The following MROH2B variants were observed in gnomAD, a reference collection of about 807,000 sequenced individuals.
MROH2B encodes maestro heat like repeat family member 2B, also known as maestro heat-like repeat-containing protein family member 2B.
MROH2B carries 177 observed loss-of-function variants against 208.6 expected under a neutral mutation model. The ratio of observed to expected loss-of-function variants is 0.85; its 90% CI spans 0.75 to 0.96. The LOEUF (loss-of-function observed/expected upper bound fraction) is 0.96. Ranked by LOEUF, MROH2B falls within the 40% of genes least tolerant of loss-of-function variation. The pLI is 0.00. For missense variants in MROH2B, 2,002 were observed against 1,878.7 expected (o/e 1.07, Z -1.21); for synonymous variants, 728 against 659.0 (o/e 1.10, Z -1.60).
Position 41,034,319 on chromosome 5 carries a change from T to C in MROH2B, c.2215-455A>G, listed in dbSNP as rs113484374. ...AAAATGCAGATTTGTTCCAATGAGA[T>C]TGACATGCTGTATCAGAGAATACTT... On this transcript the variant is annotated intron_variant, in intron 21 of 41. Transcript: ENST00000399564. Among the ~76,000 whole-genome samples, 9 of 152,222 alleles carry C rather than the reference T, an allele frequency of 5.9e-5. 1 individual carries two copies. Among genetic ancestry groups the C allele is most frequent in the African/African-American group, 2.2e-4 (9 of 41,532 alleles).
At chr5:41,059,425 T>A (rs950074975) in intron 6 of MROH2B, among the ~76,000 whole-genome samples, 5 of 152,216 alleles carry the variant, frequency 3.3e-5, no homozygotes, top group African/African-American at 1.2e-4. Flanking sequence ...AATTTTAATT[T>A]CTTAAAAATT....
chr5:41,005,484 C>T, intron 35 of MROH2B, 47 bp downstream of exon 35: 1 of 1,179,450 alleles, frequency 8.5e-7, no homozygotes, highest in African/African-American at 1.7e-5. Context: ...AAGAGAAATA[C>T]CCTATGGGGA....
Position 41,048,449 on chromosome 5 carries a change from G to T in MROH2B, c.1559C>A (p.Ala520Asp), listed in dbSNP as rs959442554. The change falls in exon 16 of 42, where the codon GCC (alanine) becomes GAC (aspartate). Residue 520 changes from alanine (A) to aspartate (D), a missense_variant. Physicochemically the swap from Ala to Asp is moderately radical, Grantham distance 126. Transcript: ENST00000399564. ...AGCCCCACGTAACTCCCCTAAACTG[G>T]CAGGCATAGATATTACCTGAAGGAT... is the stretch of plus-strand genomic sequence containing the variant. ...LARLLVISMP[A>D]SLGELRGAGA... 1.9e-6 allele frequency: 3 copies of T among 1,612,406 alleles called. No individual in the cohort carries two copies. The highest frequency in any genetic ancestry group is 3.4e-5 in the Admixed American group (2 of 59,654).
chr5:41,045,694 C>T, intron 18 of MROH2B, 52 bp downstream of exon 18: 1 of 1,352,918 alleles, frequency 7.4e-7, no homozygotes, highest in African/African-American at 1.4e-5. Context: ...CTAGAGCAGC[C>T]ATTTTGGATC....
chr5:41,044,891 T>C (rs1156388995), intron 18 of MROH2B, among the ~76,000 whole-genome samples: 2 of 152,214 alleles, frequency 1.3e-5, no homozygotes, highest in East Asian at 1.9e-4. Flanking sequence ...GCACATGCCC[T>C]ATGTCAAGCA....
intron 24 of MROH2B, among the ~76,000 whole-genome samples, chr5:41,025,026 A>C (rs1343467140): frequency 6.6e-6 from 1 of 152,214 alleles, no homozygotes. Context: ...TCTGGGACAC[A>C]TTTAAAGCAA....
In MROH2B at chr5:41,002,198, G is replaced by A. The variant is rs972986022; in HGVS notation, c.4195-1365C>T. On this transcript the variant is annotated intron_variant, in intron 37 of 41. Transcript: ENST00000399564. ...AGCTTGAATTTTGCAAAATCAATGA[G>A]CTAATGATAGGTCCAGGAACAATCA... Among the ~76,000 whole-genome samples the A allele has an allele frequency of 8.5e-5, 13 of 152,312 alleles. No individual in the cohort carries two copies. In the South Asian group the frequency reaches 2.5e-3, roughly 29 times the overall value.
At chr5:41,065,851 C>T (rs1743796553) in intron 3 of MROH2B, among the ~76,000 whole-genome samples, 1 of 152,296 alleles carries the variant, frequency 6.6e-6, no homozygotes, top group East Asian at 1.9e-4. Context: ...TTCTAGCAGC[C>T]TGTTCTCTAC....
chr5:41,065,356 G>C lies in MROH2B; in HGVS notation c.336C>G (p.Ala112=). 6.2e-7 allele frequency: 1 copy of C among 1,612,744 alleles called. No homozygotes were observed. The highest frequency in any genetic ancestry group is 8.5e-7 in the Non-Finnish European group (1 of 1,179,368). The stretch of plus-strand genomic sequence containing the variant: ...CATAGCTGGTTGCCAATTCAGCCAG[G>C]GCAAGCACAACGAATTCATCTGGTA... ...LELPDEFVVL[A]LAELATSYVS... is the part of the protein sequence containing the mutation. Residue 112 remains alanine (A), a synonymous_variant, in exon 4 of 42, where the codon GCC becomes GCG. Coordinates refer to ENST00000399564, the MANE Select transcript of MROH2B (RefSeq NM_173489.5).
Position 41,038,851 on chromosome 5 carries a change from T to A in MROH2B, c.2099A>T (p.Asp700Val). ...FSGKKSLTKT[D>V]VMVIYGAVAL... ...CACTGCTCCATAGATGACCATGACA[T>A]CTGTCTTGGTCAGGCTCTTTTTCCC... is the stretch of plus-strand genomic sequence containing the variant. Residue 700 changes from aspartate to valine, a missense_variant, in exon 21 of 42, where the codon GAT (aspartate) becomes GTT (valine). Coordinates refer to ENST00000399564, the MANE Select transcript of MROH2B (RefSeq NM_173489.5). 6.2e-7 allele frequency: 1 copy of A among 1,612,434 alleles called. No individual in the cohort carries two copies. Among genetic ancestry groups the A allele is most frequent in the Non-Finnish European group, 8.5e-7 (1 of 1,179,286 alleles).
At chr5:41,019,341 T>TTTGA (rs1554047869) in intron 24 of MROH2B, among the ~76,000 whole-genome samples, 1 of 44,482 alleles carries the variant, frequency 2.2e-5, no homozygotes, top group African/African-American at 1.1e-4. Context: ...TGTGTGTGTG[T>TTTGA]GTGAGAGAGA....
chr5:40,999,981 G>C, intron 39 of MROH2B: 1 of 683,804 alleles, frequency 1.5e-6, no homozygotes. Context: ...TTAATCAACA[G>C]ATATGAATTT....
rs771356247 is a variant in MROH2B, at chr5:41,033,816, TC to T, written c.2241+21del. On this transcript the variant is annotated intron_variant, in intron 22 of 41. Coordinates refer to ENST00000399564, the MANE Select transcript of MROH2B (RefSeq NM_173489.5). Reference sequence around the variant, plus strand: ...ATCTATCTATCTATCTATCTATCTATCTATCTATCTATCTCTCCTACCTTGT... The same window carrying T: ...ATCTATCTATCTATCTATCTATCTATTATCTATCTATCTCTCCTACCTTGT... 78 of 1,040,376 alleles carry T rather than the reference TC, an allele frequency of 7.5e-5. 1 individual carries two copies. The highest frequency in any genetic ancestry group is 1.7e-4 in the South Asian group (10 of 57,224). 64.4% of individuals were successfully genotyped at this position (1,040,376 alleles called of 1,614,324 possible).
At chr5:41,008,836 T>C (rs758385291) in intron 32 of MROH2B, 43 bp from the exon 33 acceptor site, 4 of 1,556,430 alleles carry the variant, frequency 2.6e-6, no homozygotes, top group Non-Finnish European at 3.5e-6. Flanking sequence ...TCTCATTTTC[T>C]CCAAGGCCAT....
At chr5:41,032,886 C>A in intron 23 of MROH2B, 65 bp from the exon 24 acceptor site, 1 of 1,561,452 alleles carries the variant, frequency 6.4e-7, no homozygotes. Flanking sequence ...GATGCAGCTG[C>A]AACCTCATCA....
chr5:41,008,455 C>T (rs79160688), intron 33 of MROH2B, 151 bp downstream of exon 33: 13,395 of 774,480 alleles, frequency 0.017, 315 homozygotes, highest in East Asian at 0.091. Context: ...TATGGTGTCA[C>T]GGCTTAGGGA....
At chr5:40,999,918 C>G (rs1019642732) in intron 39 of MROH2B, 139 bp from the exon 40 acceptor site, 2 of 754,950 alleles carry the variant, frequency 2.6e-6, no homozygotes, top group Non-Finnish European at 4.3e-6. Context: ...TGAAAATTGT[C>G]TTATGGGTAT....
rs767027464 is a variant in MROH2B, at chr5:41,008,653, C to A, written c.3561G>T (p.Arg1187=). 1.2e-6 allele frequency: 2 copies of A among 1,613,906 alleles called. No homozygotes were observed. Among genetic ancestry groups the A allele is most frequent in the South Asian group, 1.1e-5 (1 of 91,084 alleles). ...GCTGTTCTCCCTGCTGCATCACATG[C>A]CGCCTATGGCTCCAGGGACAAGTGA... ...KMLTCPWSHR[R]HVMQQGEQQQ... The change falls in exon 33 of 42, where the codon CGG becomes CGT. Residue 1187 remains arginine, a synonymous_variant. Coordinates refer to ENST00000399564, the MANE Select transcript of MROH2B (RefSeq NM_173489.5).
rs1354386013 is a variant in MROH2B, at chr5:41,019,435, C to G, written c.2442-417G>C. 1.9e-4 allele frequency among the ~76,000 whole-genome samples: 29 copies of G among 152,126 alleles called. 1 individual carries two copies. On this transcript the variant is annotated intron_variant, in intron 24 of 41. Coordinates refer to ENST00000399564, the MANE Select transcript of MROH2B (RefSeq NM_173489.5). ...GTAAGTCTGCAGCAGTGACTTTTAT[C>G]AATTTCACGTCTCTTTTCATGTTCT...
Sources: allele counts gnomAD v4.1 joint callset (sites outside exome capture counted in the v4.1 genomes callset), GRCh38; gene constraint gnomAD v4.1.1; transcripts MANE v1.5; gene names NCBI Gene and HGNC (gene_info 2026-07-23, HGNC 2026-07-21).